LIMCH1: variants seen among roughly 807,000 people sequenced by gnomAD.
LIMCH1 encodes LIM and calponin homology domains 1.
LIMCH1 carries 113 observed loss-of-function variants against 176.5 expected under a neutral mutation model. The observed-to-expected ratio is 0.64, with a 90% CI of 0.55 to 0.75. LIMCH1 has a LOEUF of 0.75. Ranked by LOEUF, LIMCH1 falls within the 30% of genes least tolerant of loss-of-function variation. The probability of loss-of-function intolerance (pLI) is 0.00; values close to 1 mark genes in which losing one functional copy is unlikely to be tolerated. For synonymous variants in LIMCH1, 619 were observed against 645.9 expected (o/e 0.96, Z 0.63); for missense variants, 1,674 against 1,814.9 (o/e 0.92, Z 1.41).
At chr4:41,583,786 T>C (rs1388018567) in intron 1 of LIMCH1, among the ~76,000 whole-genome samples, 10 of 149,944 alleles carry the variant, frequency 6.7e-5, no homozygotes, top group Admixed American at 1.3e-4. Context: ...TCTCTCTCTT[T>C]TTTTTTTTTG....
intron 15 of LIMCH1, 135 bp from the exon 16 acceptor site, chr4:41,645,988 G>A: frequency 2.4e-6 from 2 of 844,778 alleles, no homozygotes; most frequent in South Asian, 3.9e-5. Context: ...GGATTGTGTG[G>A]GAATGCACAC....
intron 2 of LIMCH1, among the ~76,000 whole-genome samples, chr4:41,515,383 C>T (rs1029908026): frequency 3.3e-5 from 5 of 152,218 alleles, no homozygotes; most frequent in African/African-American, 1.2e-4. Context: ...TGTCTCGTTC[C>T]CTCACTGCTG....
intron 1 of LIMCH1, among the ~76,000 whole-genome samples, chr4:41,412,799 A>T (rs996936200): frequency 2.6e-5 from 4 of 152,184 alleles, no homozygotes; most frequent in Non-Finnish European, 1.5e-5. Context: ...GGCTGAGTGG[A>T]TGGCAAGAAG....
intron 1 of LIMCH1, among the ~76,000 whole-genome samples, chr4:41,591,325 T>C (rs973554985): frequency 1.3e-5 from 2 of 152,160 alleles, no homozygotes; most frequent in African/African-American, 4.8e-5. Flanking sequence ...CACTGCAGCC[T>C]CTACCTCCTG....
intron 18 of LIMCH1, among the ~76,000 whole-genome samples, chr4:41,660,846 A>G (rs570698441): frequency 2.1e-4 from 32 of 152,356 alleles, no homozygotes; most frequent in African/African-American, 7.0e-4. Context: ...AGAATGACCC[A>G]TATTTTGATG....
intron 1 of LIMCH1, among the ~76,000 whole-genome samples, chr4:41,548,071 T>C (rs1417399401): frequency 1.3e-5 from 2 of 151,698 alleles, no homozygotes; most frequent in Non-Finnish European, 2.9e-5. Flanking sequence ...TAAAGGCATA[T>C]GGATCAACGT....
rs1339324639 is a variant in LIMCH1 at position 41,390,271 on chromosome 4, A to AGAGAGAGAGAGC, written c.96+29338_96+29339insAGAGAGAGCGAG. ...GAGAGAGAGAGAGAGAGAGAGAGAG[A>AGAGAGAGAGAGC]GAGCGAGAGCGCTCCTCATGCTGGG... On this transcript the variant is annotated intron_variant, in intron 1 of 26. Coordinates refer to the LIMCH1 transcript ENST00000313860. Among the ~76,000 whole-genome samples the AGAGAGAGAGAGC allele has an allele frequency of 2.3e-3, 342 of 150,360 alleles. 1 individual carries two copies. The highest frequency in any genetic ancestry group is 8.0e-3 in the African/African-American group (321 of 39,956).
intron 1 of LIMCH1, among the ~76,000 whole-genome samples, chr4:41,481,626 C>A (rs2068646270): frequency 6.6e-6 from 1 of 151,800 alleles, no homozygotes; most frequent in African/African-American, 2.4e-5. Context: ...GATGATGGAG[C>A]CTACACTAGT....
intron 4 of LIMCH1, 100 bp from the exon 5 acceptor site, chr4:41,613,366 G>A: frequency 1.0e-6 from 1 of 969,174 alleles, no homozygotes; most frequent in Non-Finnish European, 1.5e-6. Context: ...CCATTCTGAT[G>A]TGATATGCAG....
At chr4:41,367,866 TAAAAA>T (rs750045066) in intron 1 of LIMCH1, among the ~76,000 whole-genome samples, 2 of 90,952 alleles carry the variant, frequency 2.2e-5, no homozygotes. Context: ...GACTCCATCA[TAAAAA>T]AAAAAAAAAA....
chr4:41,610,057 A>T (rs761198049), intron 4 of LIMCH1, among the ~76,000 whole-genome samples: 15 of 152,218 alleles, frequency 9.9e-5, no homozygotes, highest in Non-Finnish European at 2.1e-4. Context: ...TGGCCATGCC[A>T]TTCAGCTCCC....
At chr4:41,514,005 T>TAAAAAAAAAAAAAAAAAAAAAAAA (rs71198665) in intron 2 of LIMCH1, among the ~76,000 whole-genome samples, 3 of 48,526 alleles carry the variant, frequency 6.2e-5, no homozygotes, top group Admixed American at 3.8e-4. Flanking sequence ...GACTCCGTCT[T>TAAAAAAAAAAAAAAAAAAAAAAAA]AAAAAAAAAA....
Position 41,662,850 on chromosome 4 carries a change from C to G in LIMCH1, c.3157C>G (p.Arg1053Gly). ...EPQHFTTTVT[R>G]CSPTVAFVEF... ...ACAGCATTTTACAACAACTGTGACTCGATGCAGCCCGACCGTGGCCTTTGT... is the reference window on the plus strand; with the variant it reads ...ACAGCATTTTACAACAACTGTGACTGGATGCAGCCCGACCGTGGCCTTTGT... The change falls in exon 20 of 32, where the codon CGA becomes GGA. Residue 1053 changes from arginine to glycine, a missense_variant. By Grantham distance (125) the Arg-to-Gly change is moderately radical. Transcript: ENST00000503057. 6.2e-7 allele frequency: 1 copy of G among 1,614,016 alleles called. No homozygotes were observed. The highest frequency in any genetic ancestry group is 8.5e-7 in the Non-Finnish European group (1 of 1,179,970).
At chr4:41,542,950 T>C (rs1561687511) in intron 1 of LIMCH1, among the ~76,000 whole-genome samples, 3 of 152,260 alleles carry the variant, frequency 2.0e-5, no homozygotes, top group Non-Finnish European at 4.4e-5. Flanking sequence ...CAAAACTGAT[T>C]ATCTTATATA....
At chr4:41,438,521 T>C (rs1191078533) in intron 1 of LIMCH1, among the ~76,000 whole-genome samples, 1 of 152,018 alleles carries the variant, frequency 6.6e-6, no homozygotes, top group African/African-American at 2.4e-5. Context: ...GTATTTTTAG[T>C]AGAGACAGGG....
At chr4:41,491,571 C>T (rs554062502) in intron 1 of LIMCH1, among the ~76,000 whole-genome samples, 126 of 143,574 alleles carry the variant, frequency 8.8e-4, no homozygotes, top group African/African-American at 2.0e-3. Context: ...ACATCCCAGA[C>T]GATGAGCGGT....
chr4:41,490,558 T>C (rs1023585633), intron 1 of LIMCH1, among the ~76,000 whole-genome samples: 30 of 152,154 alleles, frequency 2.0e-4, no homozygotes, highest in Admixed American at 2.0e-3. Context: ...TAACCCTGAG[T>C]TGACACAGCA....
chr4:41,646,497 G>T lies in LIMCH1; in HGVS notation c.2424G>T (p.Glu808Asp), dbSNP rs758552383. The change falls in exon 17 of 32, where the codon GAG (glutamate) becomes GAT (aspartate). Residue 808 changes from glutamate to aspartate, a missense_variant. Transcript: ENST00000503057. ...CCATGTCCTTTAGAGAGCGGAGAGA[G>T]AGAGAGCTGCATGAAGCATATAAGA... ...REIVQEKERR[E>D]RELHEAYKNA... 2 of 1,613,170 alleles carry T rather than the reference G, an allele frequency of 1.2e-6. No individual in the cohort carries two copies. Among genetic ancestry groups the T allele is most frequent in the Non-Finnish European group, 1.7e-6 (2 of 1,179,216 alleles).
intron 1 of LIMCH1, among the ~76,000 whole-genome samples, chr4:41,477,068 A>G (rs539999753): frequency 6.6e-6 from 1 of 152,314 alleles, no homozygotes; most frequent in African/African-American, 2.4e-5. Context: ...ACATATTTAG[A>G]CAACATGGCA....
Sources: allele counts gnomAD v4.1 joint callset (sites outside exome capture counted in the v4.1 genomes callset), GRCh38; gene constraint gnomAD v4.1.1; transcripts MANE v1.5; gene names NCBI Gene and HGNC (gene_info 2026-07-23, HGNC 2026-07-21).